MYL1: variants seen among roughly 807,000 people sequenced by gnomAD.
MYL1 encodes the protein myosin light chain 1.
MYL1 carries 16 observed loss-of-function variants against 21.8 expected under a neutral mutation model. That is an observed-to-expected ratio of 0.74 (90% CI 0.50 to 1.12). The LOEUF (loss-of-function observed/expected upper bound fraction) is 1.12. Ranked by LOEUF, MYL1 falls within the 50% of genes most tolerant of loss-of-function variation. The pLI is 0.00. For synonymous variants in MYL1, 99 were observed against 85.2 expected (o/e 1.16, Z -0.89); for missense variants, 246 against 241.0 (o/e 1.02, Z -0.14).
At chr2:210,302,845 G>C in intron 1 of MYL1, 3 of 1,536,072 alleles carry the variant, frequency 2.0e-6, no homozygotes, top group Non-Finnish European at 2.6e-6. Context: ...TCTTTCAAAT[G>C]CATTGACAGA....
At chr2:210,295,674 AG>A (rs1690162402) in intron 3 of MYL1, among the ~76,000 whole-genome samples, 1 of 151,650 alleles carries the variant, frequency 6.6e-6, no homozygotes, top group African/African-American at 2.4e-5. Context: ...AATTAAAATT[AG>A]GTTTGGCTGG....
intron 1 of MYL1, among the ~76,000 whole-genome samples, chr2:210,310,471 A>G (rs887134911): frequency 2.4e-4 from 36 of 152,140 alleles, no homozygotes; most frequent in African/African-American, 8.2e-4. Context: ...ATTGAAGGTC[A>G]TATTTGATGT....
At chr2:210,301,245 G>GA (rs1559661575) in intron 2 of MYL1, among the ~76,000 whole-genome samples, 1 of 152,112 alleles carries the variant, frequency 6.6e-6, no homozygotes, top group East Asian at 1.9e-4. Flanking sequence ...TTTTCAATGA[G>GA]AAAAAAGTCC....
chr2:210,307,696 G>A (rs1167989301), intron 1 of MYL1, among the ~76,000 whole-genome samples: 1 of 152,128 alleles, frequency 6.6e-6, no homozygotes, highest in Admixed American at 6.6e-5. Flanking sequence ...TTAGGTAACA[G>A]TAGTCTACAA....
chr2:210,292,000 C>T (rs922860576), intron 5 of MYL1, among the ~76,000 whole-genome samples: 1 of 152,130 alleles, frequency 6.6e-6, no homozygotes, highest in Admixed American at 6.6e-5. Context: ...TCTCCTCAGC[C>T]CAAAGTGTGC....
intron 3 of MYL1, among the ~76,000 whole-genome samples, chr2:210,296,813 T>G (rs548314136): frequency 6.6e-6 from 1 of 152,168 alleles, no homozygotes; most frequent in Non-Finnish European, 1.5e-5. Flanking sequence ...TTCCTGTCTC[T>G]AGAAAGCACT....
chr2:210,305,696 G>A (rs564438505), intron 1 of MYL1, among the ~76,000 whole-genome samples: 1 of 152,164 alleles, frequency 6.6e-6, no homozygotes, highest in South Asian at 2.1e-4. Context: ...GTAAAAAAGT[G>A]TCCTTGCCTA....
At chr2:210,314,297 C>A (rs188194356) in intron 1 of MYL1, among the ~76,000 whole-genome samples, 171 of 152,204 alleles carry the variant, frequency 1.1e-3, no homozygotes, top group Non-Finnish European at 1.9e-3. Context: ...TATAAATAAA[C>A]AAGATGACAG....
At chr2:210,309,636 A>C (rs565136466) in intron 1 of MYL1, among the ~76,000 whole-genome samples, 39 of 152,162 alleles carry the variant, frequency 2.6e-4, no homozygotes, top group Non-Finnish European at 4.4e-4. Context: ...TTTTTATATG[A>C]AAAGTATTTC....
At chr2:210,291,685 T>C (rs572657053) in intron 5 of MYL1, among the ~76,000 whole-genome samples, 1 of 152,316 alleles carries the variant, frequency 6.6e-6, no homozygotes, top group Admixed American at 6.5e-5. Context: ...AGTGTCCCTA[T>C]TTTTTAGGGC....
intron 1 of MYL1, among the ~76,000 whole-genome samples, chr2:210,308,226 T>C (rs1690366824): frequency 6.6e-6 from 1 of 151,572 alleles, no homozygotes; most frequent in Admixed American, 6.6e-5. Context: ...ATATAAATCC[T>C]TAAACTTTAC....
At position 210,302,505 on chromosome 2, in the gene MYL1, G is replaced by C; in HGVS notation, c.143C>G (p.Ser48Cys). Residue 48 changes from serine to cysteine, a missense_variant, in exon 2 of 7, where the codon TCT becomes TGT. Physicochemically the swap from Ser to Cys is moderately radical, Grantham distance 112. Transcript: ENST00000352451. ...IDLSAIKIEFSKEQQDEFKEA... is the reference protein window; with the variant it reads ...IDLSAIKIEFCKEQQDEFKEA... ...AAACTTACCATCCTGCTGTTCCTTAGAGAACTCGATCTGTTAGAAAGAAAT... is the reference window on the plus strand; with the variant it reads ...AAACTTACCATCCTGCTGTTCCTTACAGAACTCGATCTGTTAGAAAGAAAT... 1 of 1,609,646 alleles carries C rather than the reference G, an allele frequency of 6.2e-7. No individual in the cohort carries two copies.
chr2:210,310,319 A>G (rs1074158), intron 1 of MYL1, among the ~76,000 whole-genome samples: 52,249 of 151,788 alleles, frequency 0.34, 9,785 homozygotes, highest in Middle Eastern at 0.49. Context: ...TTAAGGTTTT[A>G]TCATATTGTA....
intron 5 of MYL1, among the ~76,000 whole-genome samples, chr2:210,291,403 C>T (rs1206873403): frequency 1.3e-5 from 2 of 152,136 alleles, no homozygotes; most frequent in Non-Finnish European, 2.9e-5. Flanking sequence ...GCTGGGACTA[C>T]GGGCACATGT....
At chr2:210,292,703 A>G (rs773144550) in intron 5 of MYL1, among the ~76,000 whole-genome samples, 11 of 152,178 alleles carry the variant, frequency 7.2e-5, no homozygotes, top group Non-Finnish European at 1.6e-4. Flanking sequence ...TAACCACTCC[A>G]AAGTTATAAA....
intron 1 of MYL1, among the ~76,000 whole-genome samples, chr2:210,309,696 T>A (rs1473602284): frequency 6.6e-6 from 1 of 151,958 alleles, no homozygotes; most frequent in Admixed American, 6.6e-5. Context: ...CTAAATATAA[T>A]CCTTTCCACC....
intron 1 of MYL1, among the ~76,000 whole-genome samples, chr2:210,307,262 C>T (rs1395193672): frequency 6.6e-6 from 1 of 152,248 alleles, no homozygotes. Flanking sequence ...AACCTGTCTC[C>T]GATAGAGCAC....
chr2:210,298,108 T>C (rs1267209950), intron 3 of MYL1, among the ~76,000 whole-genome samples: 1 of 152,036 alleles, frequency 6.6e-6, no homozygotes, highest in African/African-American at 2.4e-5. Context: ...TAGCATTAGG[T>C]ATTATTTCTA....
Position 210,314,844 on chromosome 2 carries a change from C to T in MYL1, c.132+67G>A, listed in dbSNP as rs1173395080. On this transcript the variant is annotated intron_variant, in intron 1 of 6. Transcript: ENST00000352451. ...TCTCAATGAAAAATACACGCCTTTG[C>T]AAGTTCCTAGAGATCCTTACTATTG... 2.2e-5 allele frequency: 34 copies of T among 1,570,438 alleles called. No homozygotes were observed. The Admixed American group carries it at 5.7e-4, about 26-fold the overall frequency.
Sources: gnomAD v4.1 joint callset for allele counts (sites outside exome capture counted in the v4.1 genomes callset) on GRCh38, gnomAD v4.1.1 for gene constraint, MANE v1.5 for transcripts, NCBI Gene and HGNC (gene_info 2026-07-23, HGNC 2026-07-21) for gene names.